SEMA6D: variants seen among roughly 807,000 people sequenced by gnomAD.
SEMA6D encodes the protein semaphorin 6D, also known as semaphorin-6D.
A neutral mutation model predicts 106.6 loss-of-function variants in SEMA6D; 35 were observed. The observed-to-expected ratio is 0.33, with a 90% CI of 0.25 to 0.44. SEMA6D has a LOEUF of 0.44. SEMA6D is among the 20% of genes least tolerant of loss of function. SEMA6D has a pLI of 1.00. For synonymous variants in SEMA6D, 499 were observed against 487.7 expected, an observed-to-expected ratio of 1.02 and a Z score of -0.31; for missense variants, 1,185 against 1,345.9, an observed-to-expected ratio of 0.88 and a Z score of 1.87.
intron 1 of SEMA6D, among the ~76,000 whole-genome samples, chr15:47,244,316 C>T (rs1308088749): frequency 1.3e-5 from 2 of 152,136 alleles, no homozygotes; most frequent in Non-Finnish European, 2.9e-5. Context: ...TGGTTAAACT[C>T]TATGAGTCTC....
In SEMA6D at chr15:47,552,824, A is replaced by ATT. The variant is rs1204942486; in HGVS notation, c.-86-48040_-86-48039insTT. On this transcript the variant is annotated intron_variant, in intron 3 of 19. Coordinates refer to the SEMA6D transcript ENST00000558014. ...TATATAAAAATATATATAAATATAT[A>ATT]TATTTTTATATATATATAAATATAT... Among the ~76,000 whole-genome samples, 198 of 53,866 alleles carry ATT rather than the reference A, an allele frequency of 3.7e-3. 15 individuals carry two copies. The highest frequency in any genetic ancestry group is 5.3e-3 in the Non-Finnish European group (178 of 33,866). 35.3% of individuals were successfully genotyped at this position (53,866 alleles called of 152,430 possible). A position where few individuals can be genotyped will look rare whatever the true frequency, so the allele number is the denominator to read the frequency against.
At chr15:47,495,829 A>G (rs1425736997) in intron 3 of SEMA6D, among the ~76,000 whole-genome samples, 1 of 152,114 alleles carries the variant, frequency 6.6e-6, no homozygotes, top group African/African-American at 2.4e-5. Flanking sequence ...TAAGTACCCA[A>G]TTCTCATAAA....
chr15:47,587,484 G>C (rs1344853633), intron 3 of SEMA6D, among the ~76,000 whole-genome samples: 3 of 152,208 alleles, frequency 2.0e-5, no homozygotes, highest in Non-Finnish European at 4.4e-5. Flanking sequence ...AACCCTTACA[G>C]TTGTTTAGGG....
intron 4 of SEMA6D, among the ~76,000 whole-genome samples, chr15:47,710,912 G>A (rs1217435821): frequency 6.6e-6 from 1 of 152,162 alleles, no homozygotes; most frequent in African/African-American, 2.4e-5. Flanking sequence ...CTAGAAGACA[G>A]CCACCAAGGA....
At chr15:47,196,785 CAT>C (rs1203034814) in intron 1 of SEMA6D, among the ~76,000 whole-genome samples, 1 of 152,146 alleles carries the variant, frequency 6.6e-6, no homozygotes, top group African/African-American at 2.4e-5. Context: ...GAATGCGAAA[CAT>C]GTTAGAAAGA....
intron 1 of SEMA6D, among the ~76,000 whole-genome samples, chr15:47,228,334 C>G (rs1231347583): frequency 6.6e-6 from 1 of 151,682 alleles, no homozygotes; most frequent in Non-Finnish European, 1.5e-5. Context: ...TACTTTTGAC[C>G]TGGGGCAAGT....
chr15:47,417,004 T>C (rs2040990450), intron 2 of SEMA6D, among the ~76,000 whole-genome samples: 2 of 152,074 alleles, frequency 1.3e-5, no homozygotes, highest in Non-Finnish European at 2.9e-5. Context: ...CAAAATGTCG[T>C]TAGAGCTCAG....
At chr15:47,460,792 A>G (rs1223041467) in intron 2 of SEMA6D, among the ~76,000 whole-genome samples, 1 of 152,142 alleles carries the variant, frequency 6.6e-6, no homozygotes, top group Non-Finnish European at 1.5e-5. Context: ...GATTTGGTAA[A>G]CGTTGCTTAT....
chr15:47,237,899 A>G (rs750438659), intron 1 of SEMA6D, among the ~76,000 whole-genome samples: 9 of 152,104 alleles, frequency 5.9e-5, no homozygotes, highest in Non-Finnish European at 1.2e-4. Context: ...ACAAAACTGT[A>G]CAACTTTAAA....
chr15:47,248,285 A>G (rs929435268), intron 1 of SEMA6D, among the ~76,000 whole-genome samples: 1 of 152,222 alleles, frequency 6.6e-6, no homozygotes, highest in African/African-American at 2.4e-5. Flanking sequence ...GAAAGACAAC[A>G]GCTATTATCC....
Position 47,759,926 on chromosome 15 carries a change from A to C in SEMA6D, c.109+19A>C, listed in dbSNP as rs747615887. 1 of 1,526,656 alleles carries C rather than the reference A, an allele frequency of 6.6e-7. No homozygotes were observed. Among genetic ancestry groups the C allele is most frequent in the Non-Finnish European group, 9.1e-7 (1 of 1,100,284 alleles). 94.6% of individuals were successfully genotyped at this position (1,526,656 alleles called of 1,614,324 possible). On this transcript the variant is annotated intron_variant, in intron 2 of 18. Coordinates refer to ENST00000536845, the MANE Select transcript of SEMA6D (RefSeq NM_001358351.3). ...TATCACTGTAAGTCGTCTCAAGAAC[A>C]GTCTTCTATTCTGAGAAGGAAGCTT...
intron 1 of SEMA6D, among the ~76,000 whole-genome samples, chr15:47,385,878 G>T (rs1211485741): frequency 6.6e-6 from 1 of 152,040 alleles, no homozygotes; most frequent in Non-Finnish European, 1.5e-5. Context: ...TTTTGACAGG[G>T]GTTGAATAAT....
intron 1 of SEMA6D, among the ~76,000 whole-genome samples, chr15:47,308,681 C>G (rs1343892634): frequency 6.6e-6 from 1 of 152,104 alleles, no homozygotes; most frequent in Non-Finnish European, 1.5e-5. Context: ...CTTCATGCAT[C>G]TCTGTAAAAG....
chr15:47,610,076 G>C (rs2076865475), intron 4 of SEMA6D, among the ~76,000 whole-genome samples: 1 of 152,326 alleles, frequency 6.6e-6, no homozygotes, highest in South Asian at 2.1e-4. Context: ...TTTCTTCTGT[G>C]GTTAAAGAGG....
At chr15:47,492,925 TA>T (rs2141459806) in intron 3 of SEMA6D, among the ~76,000 whole-genome samples, 1 of 152,132 alleles carries the variant, frequency 6.6e-6, no homozygotes, top group East Asian at 1.9e-4. Flanking sequence ...GTCTTTGGGG[TA>T]TTAAATTCTT....
At chr15:47,529,084 ATAT>A (rs1294358159) in intron 3 of SEMA6D, among the ~76,000 whole-genome samples, 3 of 152,246 alleles carry the variant, frequency 2.0e-5, no homozygotes, top group South Asian at 2.1e-4. Context: ...TGTTTATGTT[ATAT>A]TATTATATAC....
At chr15:47,656,805 C>T (rs903639295) in intron 4 of SEMA6D, among the ~76,000 whole-genome samples, 11 of 152,144 alleles carry the variant, frequency 7.2e-5, no homozygotes, top group African/African-American at 2.7e-4. Flanking sequence ...TTGCCTTTTG[C>T]AAACAGCTAC....
chr15:47,242,208 A>G (rs914439617), intron 1 of SEMA6D, among the ~76,000 whole-genome samples: 1 of 152,156 alleles, frequency 6.6e-6, no homozygotes, highest in Non-Finnish European at 1.5e-5. Context: ...AGGGATTACT[A>G]TTAGTTGGTA....
intron 3 of SEMA6D, among the ~76,000 whole-genome samples, chr15:47,588,938 G>A (rs2076389795): frequency 6.6e-6 from 1 of 152,166 alleles, no homozygotes; most frequent in Non-Finnish European, 1.5e-5. Flanking sequence ...TGGGGAGGCT[G>A]CATACTAATG....
Sources: allele counts gnomAD v4.1 joint callset (sites outside exome capture counted in the v4.1 genomes callset), GRCh38; gene constraint gnomAD v4.1.1; transcripts MANE v1.5; gene names NCBI Gene and HGNC (gene_info 2026-07-23, HGNC 2026-07-21).